The following TLN2 variants were observed in gnomAD, a reference collection of about 807,000 sequenced individuals.
TLN2 encodes talin-2.
Under a neutral mutation model 294.7 loss-of-function variants are expected in TLN2, and 118 were observed. The observed-to-expected ratio is 0.40, with a 90% confidence interval of 0.34 to 0.47. The LOEUF (loss-of-function observed/expected upper bound fraction) is 0.47. TLN2 is among the 20% of genes least tolerant of loss of function. The pLI, the probability that TLN2 is intolerant of heterozygous loss-of-function variation, is 0.84. For synonymous variants in TLN2, 1,431 were observed against 1,304.5 expected, an observed-to-expected ratio of 1.10 and a Z score of -2.09; for missense variants, 3,083 against 3,282.2, an observed-to-expected ratio of 0.94 and a Z score of 1.48.
At position 62,631,449 on chromosome 15, in the gene TLN2, CCTTT is replaced by C. The variant is rs373092385; in HGVS notation, c.-37+12977_-37+12980del. 4.2e-3 allele frequency among the ~76,000 whole-genome samples: 634 copies of C among 151,120 alleles called. 2 individuals carry two copies. The highest frequency in any genetic ancestry group is 0.015 in the African/African-American group (599 of 41,246). On this transcript the variant is annotated intron_variant, in intron 3 of 58. Coordinates refer to ENST00000636159, the MANE Select transcript of TLN2 (RefSeq NM_015059.3). Reference sequence around the variant, plus strand: ...TTCTTCCTTTCTTCCTTTCTTCCTTCCTTTCTCTTTCTTTCTCTCTCTCTTCCTC... The same window carrying C: ...TTCTTCCTTTCTTCCTTTCTTCCTTCCTCTTTCTTTCTCTCTCTCTTCCTC...
chr15:62,438,217 A>G (rs2035384762), intron 1 of TLN2, among the ~76,000 whole-genome samples: 1 of 152,236 alleles, frequency 6.6e-6, no homozygotes, highest in Admixed American at 6.5e-5. Context: ...TGGTTATTTA[A>G]GGGAAAACAG....
chr15:62,833,576 G>T lies in TLN2; in HGVS notation c.7075G>T (p.Ala2359Ser), dbSNP rs62004656. Residue 2359 changes from alanine to serine, a missense_variant, in exon 55 of 59, where the codon GCC (alanine) becomes TCC (serine). Transcript: ENST00000636159. ...TAAATCCATTGCTGCTGCCACAAGC[G>T]CCCTGGTCAAATCGGCCTCAGCAGC... ...AAKSIAAATS[A>S]LVKSASAAQR... The T allele has an allele frequency of 9.9e-6, 16 of 1,614,160 alleles. No individual in the cohort carries two copies. Among genetic ancestry groups the T allele is most frequent in the Non-Finnish European group, 1.2e-5 (14 of 1,180,008 alleles).
At chr15:62,749,185 G>C (rs959588451) in intron 33 of TLN2, among the ~76,000 whole-genome samples, 4 of 152,190 alleles carry the variant, frequency 2.6e-5, no homozygotes, top group Non-Finnish European at 4.4e-5. Flanking sequence ...CATGGGTCTG[G>C]CATGGTGGGA....
At chr15:62,700,901 G>C (rs2058676567) in intron 16 of TLN2, among the ~76,000 whole-genome samples, 1 of 152,120 alleles carries the variant, frequency 6.6e-6, no homozygotes, top group Admixed American at 6.5e-5. Flanking sequence ...TAAGACACAA[G>C]GGAGAATTTG....
chr15:62,507,910 A>G, intron 1 of TLN2, among the ~76,000 whole-genome samples: 1 of 152,100 alleles, frequency 6.6e-6, no homozygotes, highest in African/African-American at 2.4e-5. Context: ...TGTATGTGAG[A>G]TATTCTTTAT....
chr15:62,641,236 A>G (rs2051057827), intron 3 of TLN2, among the ~76,000 whole-genome samples: 1 of 152,178 alleles, frequency 6.6e-6, no homozygotes, highest in African/African-American at 2.4e-5. Context: ...AAACAATAAA[A>G]TGATATTTGT....
chr15:62,539,746 T>C (rs2041565667), intron 1 of TLN2, among the ~76,000 whole-genome samples: 2 of 152,160 alleles, frequency 1.3e-5, no homozygotes, highest in South Asian at 4.2e-4. Flanking sequence ...TGGGAGAGAT[T>C]TCTAATGTTT....
At chr15:62,458,452 G>T (rs940871624) in intron 1 of TLN2, among the ~76,000 whole-genome samples, 1 of 152,140 alleles carries the variant, frequency 6.6e-6, no homozygotes, top group African/African-American at 2.4e-5. Flanking sequence ...TTAATAAAGA[G>T]ATGTTGCTGG....
chr15:62,663,428 C>T (rs1288538658), intron 9 of TLN2, among the ~76,000 whole-genome samples: 1 of 150,586 alleles, frequency 6.6e-6, no homozygotes, highest in Admixed American at 6.6e-5. Context: ...TACTAAATAT[C>T]CTAATGAGTG....
chr15:62,634,530 C>T (rs1272082675), intron 3 of TLN2, among the ~76,000 whole-genome samples: 1 of 152,216 alleles, frequency 6.6e-6, no homozygotes, highest in African/African-American at 2.4e-5. Context: ...CATGTCATCT[C>T]TCATGGGGAC....
At chr15:62,574,168 A>C (rs1425950787) in intron 1 of TLN2, among the ~76,000 whole-genome samples, 15 of 147,872 alleles carry the variant, frequency 1.0e-4, no homozygotes, top group Non-Finnish European at 1.5e-5. Flanking sequence ...AGGGACTGTC[A>C]CTTCATTTTT....
chr15:62,706,585 T>C (rs985776123), intron 19 of TLN2, among the ~76,000 whole-genome samples: 2 of 152,250 alleles, frequency 1.3e-5, no homozygotes, highest in Non-Finnish European at 2.9e-5. Flanking sequence ...GGTAGAGATA[T>C]GGCTAAATTT....
intron 11 of TLN2, among the ~76,000 whole-genome samples, chr15:62,685,575 T>C (rs1187834549): frequency 6.6e-6 from 1 of 152,246 alleles, no homozygotes; most frequent in African/African-American, 2.4e-5. Flanking sequence ...ATGAAGGCTT[T>C]GCTATCTTAA....
At chr15:62,441,215 T>G (rs1322205810) in intron 1 of TLN2, among the ~76,000 whole-genome samples, 1 of 152,194 alleles carries the variant, frequency 6.6e-6, no homozygotes, top group Middle Eastern at 3.2e-3. Flanking sequence ...CAAGGCCCTG[T>G]GCTCATTTGT....
chr15:62,798,138 T>A (rs942739284), intron 48 of TLN2, among the ~76,000 whole-genome samples: 2 of 151,986 alleles, frequency 1.3e-5, no homozygotes, highest in African/African-American at 4.8e-5. Flanking sequence ...GACATTGGTG[T>A]CCCCAGCTGC....
At chr15:62,524,699 A>C (rs1287159438) in intron 1 of TLN2, among the ~76,000 whole-genome samples, 3 of 152,158 alleles carry the variant, frequency 2.0e-5, no homozygotes, top group Non-Finnish European at 4.4e-5. Flanking sequence ...CATTCATTCA[A>C]ATTCACAGCT....
At chr15:62,561,791 C>A (rs529255355) in intron 1 of TLN2, among the ~76,000 whole-genome samples, 15 of 152,212 alleles carry the variant, frequency 9.9e-5, no homozygotes, top group African/African-American at 3.6e-4. Flanking sequence ...GCCAGTTGAG[C>A]CACTGAGGAA....
At chr15:62,752,237 T>C in intron 34 of TLN2, 68 bp from the exon 35 acceptor site, 1 of 1,569,950 alleles carries the variant, frequency 6.4e-7, no homozygotes. Flanking sequence ...AGTTGGAGTG[T>C]AGCCTCCTTT....
chr15:62,806,973 G>T (rs1430969519), intron 51 of TLN2, among the ~76,000 whole-genome samples: 1 of 152,156 alleles, frequency 6.6e-6, no homozygotes, highest in Admixed American at 6.5e-5. Flanking sequence ...GGTGATGACG[G>T]AATTTGTGTG....
Sources: allele counts gnomAD v4.1 joint callset (sites outside exome capture counted in the v4.1 genomes callset), GRCh38; gene constraint gnomAD v4.1.1; transcripts MANE v1.5; gene names NCBI Gene and HGNC (gene_info 2026-07-23, HGNC 2026-07-21).